Variants in OR2L13 observed in about 807,000 individuals in gnomAD.
The protein encoded by OR2L13 is olfactory receptor 2L13.
OR2L13 carries 14 observed loss-of-function variants against 15.3 expected under a neutral mutation model. The ratio of observed to expected loss-of-function variants is 0.91; its 90% CI spans 0.60 to 1.43. OR2L13 has a LOEUF of 1.43. OR2L13 is among the 40% of genes most tolerant of loss of function. The pLI, the probability that OR2L13 is intolerant of heterozygous loss-of-function variation, is 0.00. For missense variants in OR2L13, 367 were observed against 387.9 expected (o/e 0.95, Z 0.45); for synonymous variants, 152 against 142.9 (o/e 1.06, Z -0.45).
chr1:248,058,463 C>A, the OR2L13 span, among the ~76,000 whole-genome samples: 4 of 152,004 alleles, frequency 2.6e-5, no homozygotes, highest in Non-Finnish European at 5.9e-5. Context: ...AAGGGGTTGA[C>A]AACATCATTT....
chr1:248,038,128 A>T, the OR2L13 span: 1 of 583,462 alleles, frequency 1.7e-6, no homozygotes, highest in Non-Finnish European at 3.1e-6. Context: ...ATATAAAAAT[A>T]GTTTATATAG....
chr1:248,091,074 T>A (rs1341374785), upstream of OR2L13, among the ~76,000 whole-genome samples: 1 of 152,226 alleles, frequency 6.6e-6, no homozygotes, highest in Non-Finnish European at 1.5e-5. Context: ...ATTGGCAACA[T>A]GGATGTCATC....
At chr1:248,088,782 A>T in the OR2L13 span, among the ~76,000 whole-genome samples, 2 of 152,216 alleles carry the variant, frequency 1.3e-5, no homozygotes, top group Non-Finnish European at 2.9e-5. Flanking sequence ...ACAGCCCAGA[A>T]TCTGTGAAGT....
the OR2L13 span, among the ~76,000 whole-genome samples, chr1:248,012,590 C>T: frequency 6.6e-6 from 1 of 152,088 alleles, no homozygotes; most frequent in Admixed American, 6.6e-5. Context: ...GTGGCATCTA[C>T]TTTTATGTTC....
the OR2L13 span, chr1:248,039,463 C>A: frequency 3.5e-6 from 1 of 287,082 alleles, no homozygotes; most frequent in Non-Finnish European, 6.6e-6. Flanking sequence ...TCTTGTTGCC[C>A]AGGCTCTAAT....
At chr1:248,087,017 C>T in the OR2L13 span, among the ~76,000 whole-genome samples, 4 of 152,062 alleles carry the variant, frequency 2.6e-5, no homozygotes, top group Admixed American at 2.6e-4. Flanking sequence ...TTATCGTCCC[C>T]TTCCCCACCT....
the OR2L13 span, among the ~76,000 whole-genome samples, chr1:248,070,652 A>G: frequency 6.6e-6 from 1 of 152,174 alleles, no homozygotes; most frequent in Non-Finnish European, 1.5e-5. Flanking sequence ...AAATAGAGAC[A>G]CAAAAAACCC....
chr1:247,997,995 C>G, the OR2L13 span, among the ~76,000 whole-genome samples: 11 of 152,160 alleles, frequency 7.2e-5, no homozygotes, highest in Admixed American at 7.2e-4. Context: ...AATTCTTACT[C>G]AGAAAAATGA....
chr1:248,088,338 A>G, the OR2L13 span, among the ~76,000 whole-genome samples: 3 of 152,026 alleles, frequency 2.0e-5, no homozygotes, highest in East Asian at 5.8e-4. Flanking sequence ...AAACTAATCA[A>G]TTCCCAACTT....
At chr1:247,989,693 A>G in the OR2L13 span, among the ~76,000 whole-genome samples, 2 of 152,210 alleles carry the variant, frequency 1.3e-5, no homozygotes, top group Non-Finnish European at 2.9e-5. Context: ...TAACTAAACT[A>G]AGGACTTTTT....
the OR2L13 span, among the ~76,000 whole-genome samples, chr1:247,967,858 C>T: frequency 1.3e-5 from 2 of 149,852 alleles, no homozygotes; most frequent in African/African-American, 5.1e-5. Context: ...CCTTCTCCTC[C>T]TCCTCCTTCT....
At chr1:247,958,967 G>A in the OR2L13 span, among the ~76,000 whole-genome samples, 2 of 152,168 alleles carry the variant, frequency 1.3e-5, no homozygotes, top group Admixed American at 1.3e-4. Context: ...TGTTATGTGT[G>A]AATTTGATCC....
chr1:248,071,035 T>G, the OR2L13 span, among the ~76,000 whole-genome samples: 3 of 152,096 alleles, frequency 2.0e-5, no homozygotes, highest in African/African-American at 4.8e-5. Context: ...ACAGCCGAAT[T>G]CTACCAGAGG....
the OR2L13 span, among the ~76,000 whole-genome samples, chr1:248,032,163 C>T: frequency 6.6e-6 from 1 of 152,034 alleles, no homozygotes; most frequent in Non-Finnish European, 1.5e-5. Flanking sequence ...AATTGTCCCT[C>T]ACAAATAACC....
At chr1:247,941,180 T>C in the OR2L13 span, among the ~76,000 whole-genome samples, 1 of 152,210 alleles carries the variant, frequency 6.6e-6, no homozygotes, top group Non-Finnish European at 1.5e-5. Flanking sequence ...GCAAATATTA[T>C]TTCCTATTCT....
chr1:247,945,897 A>G, the OR2L13 span, among the ~76,000 whole-genome samples: 6 of 152,176 alleles, frequency 3.9e-5, no homozygotes, highest in East Asian at 7.7e-4. Context: ...ATTTTTGCAC[A>G]TGAGATGTGT....
At chr1:247,958,829 T>C in the OR2L13 span, among the ~76,000 whole-genome samples, 1 of 152,052 alleles carries the variant, frequency 6.6e-6, no homozygotes, top group Non-Finnish European at 1.5e-5. Flanking sequence ...TTTGAGCCTA[T>C]GTGTGTCTCT....
Position 248,099,523 on chromosome 1 carries a change from G to C in OR2L13, c.148G>C (p.Val50Leu), listed in dbSNP as rs143988315. 5.0e-3 allele frequency: 8,119 copies of C among 1,613,866 alleles called. 18 individuals are homozygous for C. Among genetic ancestry groups the C allele is most frequent in the Non-Finnish European group, 6.1e-3 (7,178 of 1,179,952 alleles). The change falls in exon 3 of 3, where the codon GTG (valine) becomes CTG (leucine). Residue 50 changes from valine (V) to leucine (L), a missense_variant. Coordinates refer to ENST00000641714, the Ensembl canonical transcript of OR2L13. ...CTCGGCCATGATTCACCTCATCCAC[G>C]TGGATCCTCGTCTCCACACACCGAT...
At chr1:248,044,521 C>CAAGTGTCTCCAGAAGGCTGATTT in the OR2L13 span, among the ~76,000 whole-genome samples, 2 of 133,778 alleles carry the variant, frequency 1.5e-5, no homozygotes, top group African/African-American at 3.8e-5. Flanking sequence ...ACGCCTTCCC[C>CAAGTGTCTCCAGAAGGCTGATTT]GGCCGGGCGC....
Sources: allele counts gnomAD v4.1 joint callset (sites outside exome capture counted in the v4.1 genomes callset), GRCh38; gene constraint gnomAD v4.1.1; transcripts MANE v1.5; gene names NCBI Gene and HGNC (gene_info 2026-07-23, HGNC 2026-07-21).